ZBED1: variants seen among roughly 807,000 people sequenced by gnomAD.
ZBED1 encodes the protein E3 SUMO-protein ligase ZBED1.
Under a neutral mutation model 49.7 loss-of-function variants are expected in ZBED1, and 19 were observed. That is an observed-to-expected ratio of 0.38 (90% CI 0.27 to 0.56). ZBED1 has a LOEUF of 0.56. Among genes scored for constraint, ZBED1 ranks in the 20% least tolerant of loss-of-function variants. The probability of loss-of-function intolerance (pLI) is 0.70; values close to 1 mark genes in which losing one functional copy is unlikely to be tolerated. For missense variants in ZBED1, 806 were observed against 972.6 expected (o/e 0.83, Z 2.28); for synonymous variants, 439 against 440.3 (o/e 1.00, Z 0.04).
At chrX:2,496,195 TTTTTG>T (rs2124133915) in intron 1 of ZBED1, among the ~76,000 whole-genome samples, 1 of 152,176 alleles carries the variant, frequency 6.6e-6, no homozygotes, top group South Asian at 2.1e-4. Context: ...TGTTTTTGTT[TTTTTG>T]TTTTTTTGGT....
chrX:2,490,551 A>C lies in ZBED1; in HGVS notation c.169T>G (p.Ser57Ala). The C allele has an allele frequency of 1.9e-6, 3 of 1,613,934 alleles. No homozygotes were observed. Among genetic ancestry groups the C allele is most frequent in the Non-Finnish European group, 2.5e-6 (3 of 1,179,854 alleles). Residue 57 changes from serine (S) to alanine (A), a missense_variant, in exon 2 of 2, where the codon TCC becomes GCC. Physicochemically the swap from Ser to Ala is moderately conservative, Grantham distance 99 (BLOSUM62 1). Coordinates refer to ENST00000652001, the MANE Select transcript of ZBED1 (RefSeq NM_001171136.2). Reference protein sequence around the residue: ...CRICMAQIAYSGNTSNLSYHL... With the variant: ...CRICMAQIAYAGNTSNLSYHL... ...TAGGACAGGTTGGAGGTGTTTCCGGAGTAGGCGATCTGGGCCATGCAGATG... is the reference window on the plus strand; with the variant it reads ...TAGGACAGGTTGGAGGTGTTTCCGGCGTAGGCGATCTGGGCCATGCAGATG...
intron 1 of ZBED1, among the ~76,000 whole-genome samples, chrX:2,493,533 C>CATT (rs890062435): frequency 1.2e-4 from 18 of 151,002 alleles, no homozygotes; most frequent in African/African-American, 4.1e-4. Flanking sequence ...GTTTCAATTC[C>CATT]ATTATTATTA....
At position 2,495,813 on chromosome X, in the gene ZBED1, A is replaced by T. The variant is rs769175447; in HGVS notation, c.-54+5004T>A. On this transcript the variant is annotated intron_variant, in intron 1 of 1. Coordinates refer to ENST00000652001, the MANE Select transcript of ZBED1 (RefSeq NM_001171136.2). Reference sequence around the variant, plus strand: ...GGGGGACACTCCCCAAAACGCTCTCAGGGGGCCGGCGATTTCACGTTTCCA... The same window carrying T: ...GGGGGACACTCCCCAAAACGCTCTCTGGGGGCCGGCGATTTCACGTTTCCA... Among the ~76,000 whole-genome samples the T allele has an allele frequency of 2.7e-4, 41 of 152,166 alleles. 1 individual carries two copies. The South Asian group carries it at 8.1e-3, about 30-fold the overall frequency.
Position 2,500,918 on chromosome X carries a change from G to T in ZBED1, c.-155C>A. ...CAGGGCCGCCCGCGCCGCAGACAAT[G>T]GCGACATGGCTGCCCCGGCCGCGCC... On this transcript the variant is annotated 5_prime_UTR_variant, in exon 1 of 2. Transcript: ENST00000652001. The T allele has an allele frequency of 9.1e-7, 1 of 1,094,316 alleles. No individual in the cohort carries two copies. Among genetic ancestry groups the T allele is most frequent in the Non-Finnish European group, 1.1e-6 (1 of 900,228 alleles). The allele number at this position is 1,094,316 out of a possible 1,614,324, so 67.8% of individuals were successfully genotyped here.
chrX:2,500,747 C>T (rs1224385529), intron 1 of ZBED1, 70 bp downstream of exon 1: 6 of 757,968 alleles, frequency 7.9e-6, no homozygotes, highest in African/African-American at 3.9e-5. Context: ...AGCCCCCGCG[C>T]CCCCGCCCCC....
At chrX:2,498,625 G>GAAA (rs10624636) in intron 1 of ZBED1, among the ~76,000 whole-genome samples, 1,473 of 128,706 alleles carry the variant, frequency 0.011, 22 homozygotes, top group African/African-American at 0.036. Flanking sequence ...CAGTAAATGG[G>GAAA]AAAAAAAAAA....
chrX:2,489,976 C>A lies in ZBED1; in HGVS notation c.744G>T (p.Thr248=). ...VPEENTAETI[T]RVLYEVFIEW... ...CGATGAAGACCTCATAGAGCACTCG[C>A]GTGATGGTCTCCGCCGTGTTCTCTT... The change falls in exon 2 of 2, where the codon ACG becomes ACT. Residue 248 remains threonine (T), a synonymous_variant. Coordinates refer to ENST00000652001, the MANE Select transcript of ZBED1 (RefSeq NM_001171136.2). 1 of 1,613,918 alleles carries A rather than the reference C, an allele frequency of 6.2e-7. No homozygotes were observed. Among genetic ancestry groups the A allele is most frequent in the Non-Finnish European group, 8.5e-7 (1 of 1,179,876 alleles).
rs751542930 is a variant in ZBED1 at position 2,490,084 on chromosome X, C to T, written c.636G>A (p.Thr212=). The change falls in exon 2 of 2, where the codon ACG becomes ACA. Residue 212 remains threonine (T), a synonymous_variant. Coordinates refer to ENST00000652001, the MANE Select transcript of ZBED1 (RefSeq NM_001171136.2). ...CCAGGCCCAGGAAGTGGGCGGCCAG[C>T]GTGACGTAGGCGCGGTTCTGATTCT... ...RSENQNRAYV[T]LAAHFLGLGA... is the part of the protein sequence containing the mutation. The T allele has an allele frequency of 2.5e-6, 4 of 1,613,780 alleles. No homozygotes were observed. Among genetic ancestry groups the T allele is most frequent in the South Asian group, 1.1e-5 (1 of 91,080 alleles).
chrX:2,500,895 G>T lies in ZBED1; in HGVS notation c.-132C>A. ...GCGGCGCCTACCGCGTAGACCCGCA[G>T]GGCCGCCCGCGCCGCAGACAATGGC... On this transcript the variant is annotated 5_prime_UTR_variant, in exon 1 of 2. The change creates a new upstream start codon in the 5' untranslated region. Coordinates refer to ENST00000652001, the MANE Select transcript of ZBED1 (RefSeq NM_001171136.2). 2 of 1,133,394 alleles carry T rather than the reference G, an allele frequency of 1.8e-6. No individual in the cohort carries two copies. Among genetic ancestry groups the T allele is most frequent in the South Asian group, 3.2e-5 (1 of 31,014 alleles). The allele number at this position is 1,133,394 out of a possible 1,614,324, so 70.2% of individuals were successfully genotyped here.
chrX:2,486,985 C>G lies in ZBED1; in HGVS notation c.*1650G>C, dbSNP rs1027306323. On this transcript the variant is annotated 3_prime_UTR_variant, in exon 2 of 2. Coordinates refer to ENST00000652001, the MANE Select transcript of ZBED1 (RefSeq NM_001171136.2). ...ACTGCCTGGAGCTGAGTGGGGTCAT[C>G]CCTCCTAGACACCGTTCTCCCCAGC... 53 of 152,316 alleles carry G rather than the reference C, an allele frequency of 3.5e-4. No individual in the cohort carries two copies. Among genetic ancestry groups the G allele is most frequent in the Admixed American group, 9.8e-4 (15 of 15,298 alleles). The allele number at this position is 152,316 out of a possible 1,614,324, so 9.4% of individuals were successfully genotyped here.
Position 2,490,654 on chromosome X carries a change from C to T in ZBED1, c.66G>A (p.Lys22=). ...AGCCGAAATACTTCCACACCTTGCT[C>T]TTGGCGCGGGGGTGGGCCACCAGCT... ...DLKLVAHPRA[K]SKVWKYFGFD... Residue 22 remains lysine, a synonymous_variant, in exon 2 of 2, where the codon AAG becomes AAA. Transcript: ENST00000652001. The T allele has an allele frequency of 6.2e-7, 1 of 1,613,962 alleles. No individual in the cohort carries two copies.
chrX:2,495,465 A>C (rs2045259527), intron 1 of ZBED1, among the ~76,000 whole-genome samples: 1 of 152,128 alleles, frequency 6.6e-6, no homozygotes, highest in Admixed American at 6.6e-5. Flanking sequence ...TTTTGTACTA[A>C]GAGCCAAAAT....
chrX:2,500,975 GCGCCCGCC>G (rs1313570013), exon 1 of ZBED1: 2 of 949,414 alleles, frequency 2.1e-6, no homozygotes, highest in African/African-American at 1.8e-5. Flanking sequence ...GCGGGACTCT[GCGCCCGCC>G]CGCCCGGACG....
chrX:2,489,912 T>A lies in ZBED1; in HGVS notation c.808A>T (p.Asn270Tyr), dbSNP rs755647880. 6.2e-7 allele frequency: 1 copy of A among 1,613,840 alleles called. No individual in the cohort carries two copies. The highest frequency in any genetic ancestry group is 2.2e-5 in the East Asian group (1 of 44,860). Residue 270 changes from asparagine to tyrosine, a missense_variant, in exon 2 of 2, where the codon AAC becomes TAC. Physicochemically the swap from Asn to Tyr is moderately radical, Grantham distance 143 (BLOSUM62 -2). Coordinates refer to ENST00000652001, the MANE Select transcript of ZBED1 (RefSeq NM_001171136.2). Reference protein sequence around the residue: ...ISAKVFGATTNYGKDIVKACS... With the variant: ...ISAKVFGATTYYGKDIVKACS... ...GCCTTCACGATGTCCTTGCCATAGT[T>A]GGTGGTGGCCCCGAAGACCTTGGCG... is the stretch of plus-strand genomic sequence containing the variant.
At position 2,490,018 on chromosome X, in the gene ZBED1, C is replaced by G; in HGVS notation, c.702G>C (p.Lys234Asn). The G allele has an allele frequency of 6.2e-7, 1 of 1,613,878 alleles. No individual in the cohort carries two copies. The highest frequency in any genetic ancestry group is 8.5e-7 in the Non-Finnish European group (1 of 1,179,872). The change falls in exon 2 of 2, where the codon AAG (lysine) becomes AAC (asparagine). Residue 234 changes from lysine (K) to asparagine (N), a missense_variant. Physicochemically the swap from Lys to Asn is moderately conservative, Grantham distance 94 (BLOSUM62 0). Around this residue, in one of 2 missense-constraint regions of ZBED1, gnomAD observed 749 missense variants for 861.3 expected, o/e 0.87. Transcript: ENST00000652001. ...TGTTCTCTTCGGGCACCTCGAAGGTCTTCAGGCAGCGGGAGCCCATGGACA... is the reference window on the plus strand; with the variant it reads ...TGTTCTCTTCGGGCACCTCGAAGGTGTTCAGGCAGCGGGAGCCCATGGACA... ...NCLSMGSRCL[K>N]TFEVPEENTA...
At position 2,488,688 on chromosome X, in the gene ZBED1, C is replaced by CT; in HGVS notation, c.2031_2032insA (p.Gly678ArgfsTer12). 1 of 1,613,646 alleles carries CT rather than the reference C, an allele frequency of 6.2e-7. No homozygotes were observed. Among genetic ancestry groups the CT allele is most frequent in the Non-Finnish European group, 8.5e-7 (1 of 1,179,804 alleles). On this transcript the variant is annotated frameshift_variant, in exon 2 of 2. Transcript: ENST00000652001. LOFTEE classifies it high-confidence loss of function. ...AAGAAACCGCCGCTGACGCCATCCC[C>CT]CAAGGAGAACACCTGCTCCTGGTCC...
Position 2,489,015 on chromosome X carries a change from C to A in ZBED1, c.1705G>T (p.Val569Leu). ...EDQEEWHAQV[V>L]EELSNFKSQK... ...GACTTGAAGTTGCTCAGCTCCTCCA[C>A]CACCTGGGCATGCCACTCTTCCTGG... Residue 569 changes from valine (V) to leucine (L), a missense_variant, in exon 2 of 2, where the codon GTG (valine) becomes TTG (leucine). Physicochemically the swap from Val to Leu is conservative, Grantham distance 32. Around this residue, in one of 2 missense-constraint regions of ZBED1, gnomAD observed 749 missense variants for 861.3 expected, o/e 0.87. Coordinates refer to ENST00000652001, the MANE Select transcript of ZBED1 (RefSeq NM_001171136.2). The A allele has an allele frequency of 6.2e-7, 1 of 1,611,924 alleles. No individual in the cohort carries two copies. The highest frequency in any genetic ancestry group is 8.5e-7 in the Non-Finnish European group (1 of 1,178,620).
chrX:2,486,983 A>T lies in ZBED1; in HGVS notation c.*1652T>A, dbSNP rs1407965730. ...ACACTGCCTGGAGCTGAGTGGGGTC[A>T]TCCCTCCTAGACACCGTTCTCCCCA... On this transcript the variant is annotated 3_prime_UTR_variant, in exon 2 of 2. Transcript: ENST00000652001. The T allele has an allele frequency of 2.0e-5, 3 of 152,188 alleles. No homozygotes were observed. The East Asian group carries it at 5.8e-4, about 29-fold the overall frequency. 9.4% of individuals were successfully genotyped at this position (152,188 alleles called of 1,614,324 possible).
At chrX:2,492,308 G>A (rs949664102) in intron 1 of ZBED1, among the ~76,000 whole-genome samples, 5 of 152,184 alleles carry the variant, frequency 3.3e-5, no homozygotes, top group African/African-American at 1.2e-4. Context: ...AGGAGACACG[G>A]ACACACAGGA....
Sources: gnomAD v4.1 joint callset for allele counts (sites outside exome capture counted in the v4.1 genomes callset) on GRCh38, gnomAD v4.1.1 for gene constraint, gnomAD v4.1.1 regional missense constraint, MANE v1.5 for transcripts, NCBI Gene and HGNC (gene_info 2026-07-23, HGNC 2026-07-21) for gene names.